The following PTPRZ1 variants were observed in gnomAD, a reference collection of about 807,000 sequenced individuals.
The protein encoded by PTPRZ1 is receptor-type tyrosine-protein phosphatase zeta.
PTPRZ1 carries 82 observed loss-of-function variants against 214.1 expected under a neutral mutation model. The ratio of observed to expected loss-of-function variants is 0.38; its 90% CI spans 0.32 to 0.46. PTPRZ1 has a LOEUF of 0.46. Ranked by LOEUF, PTPRZ1 falls within the 20% of genes least tolerant of loss-of-function variation. The pLI is 1.00. For missense variants in PTPRZ1, 2,603 were observed against 2,748.7 expected, an observed-to-expected ratio of 0.95 and a Z score of 1.19; for synonymous variants, 945 against 987.9, an observed-to-expected ratio of 0.96 and a Z score of 0.81.
rs1163827570 is a variant in PTPRZ1, at chr7:122,023,614, AT to A, written c.4988+4348del. Among the ~76,000 whole-genome samples, 6 of 130,754 alleles carry A rather than the reference AT, an allele frequency of 4.6e-5. No individual in the cohort carries two copies. The East Asian group carries it at 6.1e-4, about 13-fold the overall frequency. The allele number at this position is 130,754 out of a possible 152,430, so 85.8% of individuals were successfully genotyped here. On this transcript the variant is annotated intron_variant, in intron 13 of 29. Coordinates refer to ENST00000393386, the MANE Select transcript of PTPRZ1 (RefSeq NM_002851.3). ...TATTATATGTATAATTTTATATATAATTATATATATTATATGTATAATTTTA... is the reference window on the plus strand; with the variant it reads ...TATTATATGTATAATTTTATATATAATATATATATTATATGTATAATTTTA...
chr7:121,945,419 T>C (rs1032617493), intron 2 of PTPRZ1, among the ~76,000 whole-genome samples: 3 of 152,250 alleles, frequency 2.0e-5, no homozygotes, highest in Admixed American at 2.0e-4. Flanking sequence ...CTACTAAATT[T>C]TGAAGATCAA....
In PTPRZ1 at chr7:122,005,163, A is replaced by T. The variant is rs185798522; in HGVS notation, c.1287+503A>T. ...ATAAATATTAATTTACTCAAAGAAC[A>T]TTGTGCTGACAACAGGCACTTATAC... On this transcript the variant is annotated intron_variant, in intron 11 of 29. Transcript: ENST00000393386. Among the ~76,000 whole-genome samples the T allele has an allele frequency of 3.5e-3, 533 of 152,130 alleles. 4 individuals carry two copies. The highest frequency in any genetic ancestry group is 0.012 in the African/African-American group (488 of 41,560).
intron 1 of PTPRZ1, among the ~76,000 whole-genome samples, chr7:121,925,007 G>C (rs1161040263): frequency 6.6e-6 from 1 of 152,136 alleles, no homozygotes; most frequent in Non-Finnish European, 1.5e-5. Flanking sequence ...CTCCTGCTGA[G>C]GCGGAGCACC....
At chr7:121,956,672 C>T (rs1327298383) in intron 2 of PTPRZ1, among the ~76,000 whole-genome samples, 7 of 152,194 alleles carry the variant, frequency 4.6e-5, no homozygotes, top group Non-Finnish European at 8.8e-5. Flanking sequence ...GATTCCGGTC[C>T]CAACAGATGT....
chr7:122,018,749 G>A (rs1437240387), intron 12 of PTPRZ1, among the ~76,000 whole-genome samples: 3 of 151,932 alleles, frequency 2.0e-5, no homozygotes, highest in African/African-American at 7.3e-5. Flanking sequence ...AATATATATG[G>A]TGATTCAGTA....
At chr7:122,001,998 G>A (rs767797531) in intron 10 of PTPRZ1, among the ~76,000 whole-genome samples, 1 of 152,074 alleles carries the variant, frequency 6.6e-6, no homozygotes, top group Non-Finnish European at 1.5e-5. Flanking sequence ...TAAAATATCA[G>A]TTATTACTTG....
chr7:122,016,998 T>C (rs762257416), intron 12 of PTPRZ1, among the ~76,000 whole-genome samples: 7 of 152,116 alleles, frequency 4.6e-5, no homozygotes, highest in Non-Finnish European at 1.0e-4. Context: ...AAAATTTGCA[T>C]TTCTAAGTTA....
rs781582981 is a variant in PTPRZ1, at chr7:122,011,482, T to G, written c.2436T>G (p.Ser812=). The G allele has an allele frequency of 6.2e-7, 1 of 1,613,986 alleles. No individual in the cohort carries two copies. Among genetic ancestry groups the G allele is most frequent in the Non-Finnish European group, 8.5e-7 (1 of 1,179,878 alleles). Reference sequence around the variant, plus strand: ...ATGTGTCATTTGAATCCATCCTGTCTTCCTATGATGGTGCACCTTTGCTTC... The same window carrying G: ...ATGTGTCATTTGAATCCATCCTGTCGTCCTATGATGGTGCACCTTTGCTTC... ...SVDVSFESIL[S]SYDGAPLLPF... The change falls in exon 12 of 30, where the codon TCT becomes TCG. Residue 812 remains serine (S), a synonymous_variant. Transcript: ENST00000393386.
At chr7:121,995,473 A>G (rs962888714) in intron 8 of PTPRZ1, among the ~76,000 whole-genome samples, 3 of 152,220 alleles carry the variant, frequency 2.0e-5, no homozygotes, top group Non-Finnish European at 4.4e-5. Flanking sequence ...TTTCCAAATT[A>G]GTCCAAACTA....
chr7:121,923,727 A>T (rs537579034), intron 1 of PTPRZ1, among the ~76,000 whole-genome samples: 146 of 152,060 alleles, frequency 9.6e-4, no homozygotes, highest in Non-Finnish European at 1.7e-3. Flanking sequence ...TTTGAGAAAA[A>T]TTGGTTTCCT....
In PTPRZ1 at chr7:122,012,968, G is replaced by A; in HGVS notation, c.3922G>A (p.Gly1308Arg). Residue 1308 changes from glycine to arginine, a missense_variant, in exon 12 of 30, where the codon GGA becomes AGA. Around this residue, in one of 6 missense-constraint regions of PTPRZ1, gnomAD observed 1,913 missense variants for 1,914.3 expected, o/e 1.00. Transcript: ENST00000393386. ...GATTAACCAGGCCCATCCCCCAAAA[G>A]GAAGGCATGTATTTGCTACACCTGT... ...LEINQAHPPK[G>R]RHVFATPVLS... 2 of 1,614,044 alleles carry A rather than the reference G, an allele frequency of 1.2e-6. No homozygotes were observed. Among genetic ancestry groups the A allele is most frequent in the Non-Finnish European group, 1.7e-6 (2 of 1,179,966 alleles).
At position 122,012,189 on chromosome 7, in the gene PTPRZ1, A is replaced by G. The variant is rs749446939; in HGVS notation, c.3143A>G (p.Tyr1048Cys). Reference sequence around the variant, plus strand: ...GCGCTTTCTAAAAGTGAAATAATATATGGAAATGAGACTGAACTGCAAATT... The same window carrying G: ...GCGCTTTCTAAAAGTGAAATAATATGTGGAAATGAGACTGAACTGCAAATT... ...NKALSKSEII[Y>C]GNETELQIPS... Residue 1048 changes from tyrosine (Y) to cysteine (C), a missense_variant, in exon 12 of 30, where the codon TAT becomes TGT. Physicochemically the swap from Tyr to Cys is radical, Grantham distance 194. Transcript: ENST00000393386. The G allele has an allele frequency of 1.2e-6, 2 of 1,613,958 alleles. No homozygotes were observed. Among genetic ancestry groups the G allele is most frequent in the South Asian group, 1.1e-5 (1 of 91,084 alleles).
intron 1 of PTPRZ1, among the ~76,000 whole-genome samples, chr7:121,885,831 CTT>C (rs1312309132): frequency 1.3e-5 from 2 of 152,204 alleles, no homozygotes; most frequent in African/African-American, 4.8e-5. Flanking sequence ...GAAGAAAACA[CTT>C]ATAATTTTTA....
intron 18 of PTPRZ1, among the ~76,000 whole-genome samples, chr7:122,037,223 C>T (rs1194720169): frequency 2.0e-5 from 3 of 149,732 alleles, no homozygotes; most frequent in Non-Finnish European, 3.0e-5. Context: ...TGCAGTGAGC[C>T]GAGATCGCAC....
intron 1 of PTPRZ1, among the ~76,000 whole-genome samples, chr7:121,904,705 G>T (rs914320931): frequency 1.3e-5 from 2 of 152,064 alleles, no homozygotes; most frequent in Non-Finnish European, 2.9e-5. Flanking sequence ...GATAGATTCC[G>T]GGGTTTCTAG....
intron 12 of PTPRZ1, 30 bp from the exon 13 acceptor site, chr7:122,019,094 A>G: frequency 6.4e-7 from 1 of 1,572,194 alleles, no homozygotes. Context: ...CACCTTAAAT[A>G]TCAATTCTCT....
chr7:122,021,108 T>G, intron 13 of PTPRZ1, among the ~76,000 whole-genome samples: 1 of 152,102 alleles, frequency 6.6e-6, no homozygotes, highest in Non-Finnish European at 1.5e-5. Context: ...TAGTAAATAG[T>G]GCTAGTACAA....
intron 2 of PTPRZ1, among the ~76,000 whole-genome samples, chr7:121,959,394 C>T (rs1307765292): frequency 6.6e-6 from 1 of 152,314 alleles, no homozygotes; most frequent in Admixed American, 6.5e-5. Context: ...CTATAATCAA[C>T]GTTGGGCAAC....
intron 1 of PTPRZ1, chr7:121,909,043 T>A (rs550762593): frequency 6.3e-6 from 3 of 474,758 alleles, no homozygotes; most frequent in East Asian, 1.1e-4. Context: ...AATTTTGGAA[T>A]CAATTTGCTT....
Sources: allele counts gnomAD v4.1 joint callset (sites outside exome capture counted in the v4.1 genomes callset), GRCh38; gene constraint gnomAD v4.1.1; regional missense constraint gnomAD v4.1.1; transcripts MANE v1.5; gene names NCBI Gene and HGNC (gene_info 2026-07-23, HGNC 2026-07-21).